The following SUSD1 variants were observed in gnomAD, a reference collection of about 807,000 sequenced individuals.
SUSD1 encodes the protein sushi domain-containing protein 1.
A neutral mutation model predicts 86.9 loss-of-function variants in SUSD1; 65 were observed. That is an observed-to-expected ratio of 0.75 (90% confidence interval 0.61 to 0.92). The LOEUF (loss-of-function observed/expected upper bound fraction) is 0.92. SUSD1 is among the 40% of genes least tolerant of loss of function. The probability of loss-of-function intolerance (pLI) is 0.00; values close to 1 mark genes in which losing one functional copy is unlikely to be tolerated. For missense variants in SUSD1, 850 were observed against 929.7 expected, an observed-to-expected ratio of 0.91 and a Z score of 1.11; for synonymous variants, 346 against 350.0, an observed-to-expected ratio of 0.99 and a Z score of 0.13.
chr9:112,141,778 T>C (rs1470785683), intron 5 of SUSD1, among the ~76,000 whole-genome samples: 1 of 146,610 alleles, frequency 6.8e-6, no homozygotes, highest in Non-Finnish European at 1.5e-5. Flanking sequence ...ACATTACATG[T>C]AATATATTAC....
At chr9:112,112,171 C>T (rs557460232) in intron 7 of SUSD1, 10 of 222,588 alleles carry the variant, frequency 4.5e-5, no homozygotes, top group African/African-American at 2.0e-4. Flanking sequence ...GAGTGAAATA[C>T]AAGTGCTTGG....
At chr9:112,122,378 T>G (rs1270585333) in intron 6 of SUSD1, among the ~76,000 whole-genome samples, 1 of 152,322 alleles carries the variant, frequency 6.6e-6, no homozygotes, top group Non-Finnish European at 1.5e-5. Context: ...CAGGCTGGTC[T>G]TGAACTCCTG....
intron 12 of SUSD1, among the ~76,000 whole-genome samples, chr9:112,067,636 T>C (rs1207245853): frequency 6.6e-6 from 1 of 152,102 alleles, no homozygotes; most frequent in East Asian, 1.9e-4. Flanking sequence ...CCTTGGGTGG[T>C]GGAGACAGTG....
At chr9:112,091,550 G>T (rs1311898291) in intron 10 of SUSD1, among the ~76,000 whole-genome samples, 1 of 152,080 alleles carries the variant, frequency 6.6e-6, no homozygotes, top group African/African-American at 2.4e-5. Context: ...CTGCTAAAAA[G>T]AACTGAATAA....
intron 6 of SUSD1, among the ~76,000 whole-genome samples, chr9:112,117,878 C>A (rs984213686): frequency 1.6e-4 from 24 of 152,092 alleles, no homozygotes; most frequent in African/African-American, 5.6e-4. Flanking sequence ...ATGAAATTGG[C>A]AGTTAGGTAG....
At chr9:112,050,189 A>C (rs10121950) in intron 15 of SUSD1, among the ~76,000 whole-genome samples, 3,410 of 152,266 alleles carry the variant, frequency 0.022, 131 homozygotes, top group African/African-American at 0.077. Flanking sequence ...GAATGTTGGA[A>C]TGTGTGGCCT....
intron 10 of SUSD1, among the ~76,000 whole-genome samples, chr9:112,086,850 A>C (rs1319455420): frequency 6.6e-6 from 1 of 151,922 alleles, no homozygotes; most frequent in Non-Finnish European, 1.5e-5. Context: ...AACAAAAAAA[A>C]CCTTTAAAGA....
chr9:112,078,805 C>CTTTATT, intron 11 of SUSD1, 81 bp from the exon 12 acceptor site: 1 of 844,576 alleles, frequency 1.2e-6, no homozygotes, highest in Non-Finnish European at 1.7e-6. Context: ...TTTCCTTTTT[C>CTTTATT]TTTCTCTTTT....
At chr9:112,061,149 A>G (rs1828706495) in intron 13 of SUSD1, among the ~76,000 whole-genome samples, 1 of 152,182 alleles carries the variant, frequency 6.6e-6, no homozygotes, top group African/African-American at 2.4e-5. Context: ...GAACCCAGCA[A>G]CAGGCTCCAT....
intron 2 of SUSD1, among the ~76,000 whole-genome samples, 180 bp downstream of exon 2, chr9:112,157,320 C>T (rs1024976889): frequency 6.6e-6 from 1 of 152,114 alleles, no homozygotes; most frequent in Non-Finnish European, 1.5e-5. Context: ...CTTGGAAACA[C>T]TAGAGAAAGA....
intron 15 of SUSD1, among the ~76,000 whole-genome samples, chr9:112,049,360 C>G (rs988323233): frequency 6.6e-6 from 1 of 152,192 alleles, no homozygotes; most frequent in Non-Finnish European, 1.5e-5. Context: ...ACTCATAATA[C>G]TCTGTGGCTG....
rs1245289839 is a variant in SUSD1 at position 112,052,438 on chromosome 9, C to T, written c.2110G>A (p.Val704Met). The T allele has an allele frequency of 6.2e-7, 1 of 1,614,004 alleles. No homozygotes were observed. The highest frequency in any genetic ancestry group is 1.1e-5 in the South Asian group (1 of 91,086). Residue 704 changes from valine (V) to methionine (M), a missense_variant and splice_region_variant, in exon 15 of 17, where the codon GTG (valine) becomes ATG (methionine). Val to Met is a conservative substitution (Grantham distance 21). Coordinates refer to ENST00000374270, the MANE Select transcript of SUSD1 (RefSeq NM_022486.5). Reference sequence around the variant, plus strand: ...CAAACTGCACAGGAGTGTCTTCTCACCTATAAAGGAAAACATAGCAATGCA... The same window carrying T: ...CAAACTGCACAGGAGTGTCTTCTCATCTATAAAGGAAAACATAGCAATGCA... Reference protein sequence around the residue: ...ILRITSEWNKVRRHSCAVWAQ... With the variant: ...ILRITSEWNKMRRHSCAVWAQ...
At chr9:112,132,469 C>T (rs1832074294) in intron 5 of SUSD1, among the ~76,000 whole-genome samples, 1 of 152,182 alleles carries the variant, frequency 6.6e-6, no homozygotes, top group African/African-American at 2.4e-5. Context: ...CAGTTTTCAT[C>T]TTTACCCAAC....
chr9:112,045,308 T>C (rs1827908814), intron 15 of SUSD1, among the ~76,000 whole-genome samples: 1 of 152,258 alleles, frequency 6.6e-6, no homozygotes, highest in African/African-American at 2.4e-5. Context: ...ACCCTCTGTA[T>C]ATTTTAATCA....
At chr9:112,114,887 A>C (rs1222508727) in intron 6 of SUSD1, among the ~76,000 whole-genome samples, 1 of 152,186 alleles carries the variant, frequency 6.6e-6, no homozygotes, top group East Asian at 1.9e-4. Flanking sequence ...GGACACTGTC[A>C]CACAGATGTG....
chr9:112,070,646 G>A (rs1395516172), intron 12 of SUSD1, among the ~76,000 whole-genome samples: 1 of 152,174 alleles, frequency 6.6e-6, no homozygotes, highest in African/African-American at 2.4e-5. Flanking sequence ...TCCCTCCTCT[G>A]CTAGAAGCAA....
chr9:112,076,260 C>G lies in SUSD1; in HGVS notation c.1753+2278G>C, dbSNP rs572199195. 3.3e-4 allele frequency among the ~76,000 whole-genome samples: 50 copies of G among 152,222 alleles called. 1 individual carries two copies. The South Asian group carries it at 8.9e-3, about 27-fold the overall frequency. ...GAGAAAACCAGTTTGAAAACTACAG[C>G]AGGAATCCAAGCAAGAGGTGGCTGT... On this transcript the variant is annotated intron_variant, in intron 12 of 16. Coordinates refer to ENST00000374270, the MANE Select transcript of SUSD1 (RefSeq NM_022486.5).
chr9:112,150,206 C>G (rs1051572897), intron 2 of SUSD1, among the ~76,000 whole-genome samples: 3 of 152,208 alleles, frequency 2.0e-5, no homozygotes, highest in Non-Finnish European at 4.4e-5. Flanking sequence ...CAGTAAAACT[C>G]CACCTACAGA....
At chr9:112,112,646 A>G (rs1334919931) in intron 7 of SUSD1, 125 bp downstream of exon 7, 2 of 642,534 alleles carry the variant, frequency 3.1e-6, no homozygotes, top group African/African-American at 3.7e-5. Context: ...AAAAAAAATA[A>G]AAGAAAAAAA....
Sources: allele counts gnomAD v4.1 joint callset (sites outside exome capture counted in the v4.1 genomes callset), GRCh38; gene constraint gnomAD v4.1.1; transcripts MANE v1.5; gene names NCBI Gene and HGNC (gene_info 2026-07-23, HGNC 2026-07-21).